The following DPP10 variants were observed in gnomAD, a reference collection of about 807,000 sequenced individuals.
The protein encoded by DPP10 is dipeptidyl peptidase like 10.
In DPP10, 33 loss-of-function variants were observed where a neutral mutation model predicts 120.9. The observed-to-expected ratio is 0.27, with a 90% CI of 0.21 to 0.37. DPP10 has a LOEUF of 0.37. DPP10 is among the 10% of genes least tolerant of loss of function. The pLI is 1.00. For synonymous variants in DPP10, 337 were observed against 326.1 expected, an observed-to-expected ratio of 1.03 and a Z score of -0.36; for missense variants, 816 against 942.8, an observed-to-expected ratio of 0.87 and a Z score of 1.76.
intron 1 of DPP10, among the ~76,000 whole-genome samples, chr2:115,152,997 G>A (rs1008821959): frequency 1.3e-5 from 2 of 152,142 alleles, no homozygotes; most frequent in South Asian, 4.1e-4. Context: ...GGGAGGGGTG[G>A]TTAAGCCAGA....
At chr2:115,603,550 C>CGTT (rs1553459785) in intron 5 of DPP10, among the ~76,000 whole-genome samples, 190 of 41,794 alleles carry the variant, frequency 4.5e-3, no homozygotes, top group Middle Eastern at 0.013. Context: ...TGTGTGTTTT[C>CGTT]GTTGTTGTTG....
chr2:115,325,128 A>G (rs990095384), intron 2 of DPP10, among the ~76,000 whole-genome samples: 1 of 152,178 alleles, frequency 6.6e-6, no homozygotes, highest in Non-Finnish European at 1.5e-5. Context: ...ACACAGAGAC[A>G]TGAAGTGACT....
chr2:115,806,956 T>A (rs1329578314), intron 19 of DPP10, among the ~76,000 whole-genome samples: 2 of 152,180 alleles, frequency 1.3e-5, no homozygotes, highest in Admixed American at 6.5e-5. Flanking sequence ...AAAACTGAGA[T>A]AAATTCTCCT....
intron 1 of DPP10, among the ~76,000 whole-genome samples, chr2:114,568,115 A>G (rs1048401334): frequency 6.0e-5 from 9 of 150,770 alleles, no homozygotes; most frequent in African/African-American, 2.2e-4. Context: ...AGATTTGAGC[A>G]TAGGCCATAC....
chr2:115,230,592 C>A (rs985695492), intron 1 of DPP10, among the ~76,000 whole-genome samples: 1 of 151,712 alleles, frequency 6.6e-6, no homozygotes, highest in African/African-American at 2.4e-5. Flanking sequence ...AATTGAAGAG[C>A]TTTTTATTTA....
chr2:115,734,164 T>G (rs577175951), intron 8 of DPP10, among the ~76,000 whole-genome samples: 1 of 152,208 alleles, frequency 6.6e-6, no homozygotes, highest in Non-Finnish European at 1.5e-5. Flanking sequence ...ACATTAATCA[T>G]ATGTCACTCT....
rs1685652182 is a variant in DPP10 at position 115,804,373 on chromosome 2, C to T, written c.1701-10420C>T. On this transcript the variant is annotated intron_variant, in intron 19 of 25. Transcript: ENST00000410059. ...GTTTTTAACTTCTTTGCCACGGGTT[C>T]GAACTTCCTCCTTTAGCTCGGAGTA... is the stretch of plus-strand genomic sequence containing the variant. Among the ~76,000 whole-genome samples, 5 of 152,096 alleles carry T rather than the reference C, an allele frequency of 3.3e-5. No individual in the cohort carries two copies. The South Asian group carries it at 6.2e-4, about 19-fold the overall frequency.
Position 114,524,527 on chromosome 2 carries a change from G to T in DPP10, c.60+81689G>T, listed in dbSNP as rs141264301. On this transcript the variant is annotated intron_variant, in intron 1 of 25. Coordinates refer to ENST00000410059, the MANE Select transcript of DPP10 (RefSeq NM_020868.6). ...TGCCCTTTGAAGCTATGCAGAACAGGTTGCTTGTTCACTAAGAAAAAGATG... is the reference window on the plus strand; with the variant it reads ...TGCCCTTTGAAGCTATGCAGAACAGTTTGCTTGTTCACTAAGAAAAAGATG... Among the ~76,000 whole-genome samples, 334 of 152,328 alleles carry T rather than the reference G, an allele frequency of 2.2e-3. 1 individual carries two copies. Among genetic ancestry groups the T allele is most frequent in the African/African-American group, 7.6e-3 (317 of 41,562 alleles).
At chr2:115,383,611 C>T (rs1288524531) in intron 3 of DPP10, among the ~76,000 whole-genome samples, 1 of 152,078 alleles carries the variant, frequency 6.6e-6, no homozygotes, top group Non-Finnish European at 1.5e-5. Context: ...TGAGAAATGT[C>T]CTAATTTTTA....
chr2:115,607,931 A>G (rs1033527082), intron 5 of DPP10, among the ~76,000 whole-genome samples: 3 of 152,202 alleles, frequency 2.0e-5, no homozygotes, highest in African/African-American at 7.2e-5. Flanking sequence ...TTAGAATATC[A>G]TATGTTGTAA....
intron 1 of DPP10, among the ~76,000 whole-genome samples, chr2:114,663,782 G>T (rs1697680709): frequency 6.6e-6 from 1 of 151,566 alleles, no homozygotes; most frequent in South Asian, 2.1e-4. Context: ...GACCATGAGC[G>T]ATTTACTTAG....
chr2:114,452,215 C>T (rs1198270584), intron 1 of DPP10, among the ~76,000 whole-genome samples: 1 of 152,112 alleles, frequency 6.6e-6, no homozygotes, highest in African/African-American at 2.4e-5. Context: ...CTGTTAATAG[C>T]ATTGTGTATA....
intron 19 of DPP10, among the ~76,000 whole-genome samples, chr2:115,798,973 T>G (rs1684854488): frequency 6.6e-6 from 1 of 152,098 alleles, no homozygotes. Context: ...ATTAGAGCTC[T>G]CAGTTGTCAC....
At chr2:114,956,101 TAAGAC>T (rs1698181457) in intron 1 of DPP10, among the ~76,000 whole-genome samples, 1 of 151,828 alleles carries the variant, frequency 6.6e-6, no homozygotes, top group South Asian at 2.1e-4. Flanking sequence ...GCTAGAGTAA[TAAGAC>T]AAGAAAAAGA....
At chr2:115,379,531 G>GT (rs1559509829) in intron 3 of DPP10, among the ~76,000 whole-genome samples, 1 of 151,940 alleles carries the variant, frequency 6.6e-6, no homozygotes, top group African/African-American at 2.4e-5. Flanking sequence ...TTTTTGAAGG[G>GT]TTTTTTGTGT....
intron 5 of DPP10, 189 bp downstream of exon 5, chr2:115,526,161 G>A (rs972883865): frequency 8.1e-6 from 4 of 491,338 alleles, no homozygotes; most frequent in African/African-American, 6.0e-5. Context: ...TATCTGCACA[G>A]CAAATAATTG....
At chr2:115,672,680 C>CTTTTTCTTTCTTTCTTTCTTTCTTTCTT (rs147861157) in intron 5 of DPP10, among the ~76,000 whole-genome samples, 1 of 113,264 alleles carries the variant, frequency 8.8e-6, no homozygotes, top group Non-Finnish European at 1.8e-5. Context: ...CTCTTTCTTT[C>CTTTTTCTTTCTTTCTTTCTTTCTTTCTT]TCTTTCTTTC....
At chr2:114,994,805 C>T (rs1700974079) in intron 1 of DPP10, among the ~76,000 whole-genome samples, 2 of 152,144 alleles carry the variant, frequency 1.3e-5, no homozygotes, top group African/African-American at 4.8e-5. Context: ...TTACCTGCTC[C>T]AGAAAGACTC....
intron 1 of DPP10, among the ~76,000 whole-genome samples, chr2:115,283,055 A>C (rs1286744710): frequency 1.3e-5 from 2 of 151,692 alleles, no homozygotes; most frequent in African/African-American, 2.4e-5. Context: ...CTTGGATTAG[A>C]TTTTCTAATC....
Sources: allele counts gnomAD v4.1 joint callset (sites outside exome capture counted in the v4.1 genomes callset), GRCh38; gene constraint gnomAD v4.1.1; transcripts MANE v1.5; gene names NCBI Gene and HGNC (gene_info 2026-07-23, HGNC 2026-07-21).